Variants in ZCWPW2 observed in about 807,000 individuals in gnomAD.
ZCWPW2 encodes zinc finger CW-type and PWWP domain containing 2.
Under a neutral mutation model 46.6 loss-of-function variants are expected in ZCWPW2, and 45 were observed. The ratio of observed to expected loss-of-function variants is 0.96; its 90% CI spans 0.76 to 1.24. ZCWPW2 has a LOEUF of 1.24. Among genes scored for constraint, ZCWPW2 ranks in the 50% most tolerant of loss-of-function variants. The probability of loss-of-function intolerance (pLI) is 0.00; values close to 1 mark genes in which losing one functional copy is unlikely to be tolerated. For synonymous variants in ZCWPW2, 152 were observed against 137.1 expected (o/e 1.11, Z -0.76); for missense variants, 429 against 403.9 (o/e 1.06, Z -0.53).
chr3:28,492,155 T>A lies in ZCWPW2; in HGVS notation c.639T>A (p.Ala213=). The change falls in exon 6 of 10, where the codon GCT becomes GCA. Residue 213 remains alanine, a synonymous_variant. Coordinates refer to ENST00000383768, the MANE Select transcript of ZCWPW2 (RefSeq NM_001040432.4). ...QDKSETHDKV[A]ALVKKRKQTS... is the part of the protein sequence containing the mutation. The stretch of plus-strand genomic sequence containing the variant: ...AATCCGAAACACATGACAAAGTTGC[T>A]GCACTGGTCAAGAAAAGGGTAAGAT... The A allele has an allele frequency of 6.2e-7, 1 of 1,608,990 alleles. No individual in the cohort carries two copies. The highest frequency in any genetic ancestry group is 8.5e-7 in the Non-Finnish European group (1 of 1,177,856).
intron 2 of ZCWPW2, 46 bp downstream of exon 2, chr3:28,390,663 C>T (rs1420167510): frequency 1.0e-6 from 1 of 983,928 alleles, no homozygotes; most frequent in African/African-American, 1.7e-5. Flanking sequence ...AGTACATAAG[C>T]ATTTTTATTC....
chr3:28,514,543 G>C (rs1700514215), intron 7 of ZCWPW2, among the ~76,000 whole-genome samples: 1 of 151,918 alleles, frequency 6.6e-6, no homozygotes, highest in Admixed American at 6.5e-5. Flanking sequence ...GGGCTTTATT[G>C]GAAACAGAAT....
At chr3:28,374,391 A>G (rs1311866286) in intron 1 of ZCWPW2, among the ~76,000 whole-genome samples, 1 of 152,122 alleles carries the variant, frequency 6.6e-6, no homozygotes, top group Admixed American at 6.6e-5. Flanking sequence ...GGCTTTGTAT[A>G]GTATATTTTG....
chr3:28,394,299 A>T (rs146536765), intron 2 of ZCWPW2, among the ~76,000 whole-genome samples: 1 of 152,226 alleles, frequency 6.6e-6, no homozygotes, highest in African/African-American at 2.4e-5. Context: ...GATATTTCAT[A>T]TTTGTGGATT....
At chr3:28,495,748 T>A (rs1699971806) in intron 6 of ZCWPW2, among the ~76,000 whole-genome samples, 1 of 152,032 alleles carries the variant, frequency 6.6e-6, no homozygotes, top group Non-Finnish European at 1.5e-5. Flanking sequence ...TCAGATAGAC[T>A]GGGGAAAAAA....
chr3:28,493,015 C>A (rs1333527744), intron 6 of ZCWPW2, among the ~76,000 whole-genome samples: 1 of 145,910 alleles, frequency 6.9e-6, no homozygotes, highest in African/African-American at 2.6e-5. Context: ...ATTCTTTGTA[C>A]ATTTTATGAG....
chr3:28,349,411 C>CT (rs943994525), intron 1 of ZCWPW2, among the ~76,000 whole-genome samples: 15 of 152,202 alleles, frequency 9.9e-5, no homozygotes, highest in African/African-American at 3.6e-4. Context: ...TCTGTAGCCT[C>CT]TGTTTTCTAA....
At chr3:28,351,155 T>A (rs1704535115) in intron 1 of ZCWPW2, among the ~76,000 whole-genome samples, 1 of 150,958 alleles carries the variant, frequency 6.6e-6, no homozygotes, top group African/African-American at 2.4e-5. Context: ...TATATATATA[T>A]TTTTTAGAAT....
chr3:28,395,421 G>T (rs1268817190), intron 2 of ZCWPW2, among the ~76,000 whole-genome samples: 3 of 152,094 alleles, frequency 2.0e-5, no homozygotes, highest in Non-Finnish European at 2.9e-5. Flanking sequence ...TTATCCAAAA[G>T]AACTGAAAAC....
At chr3:28,489,424 A>G (rs1328336776) in intron 5 of ZCWPW2, among the ~76,000 whole-genome samples, 1 of 152,168 alleles carries the variant, frequency 6.6e-6, no homozygotes, top group South Asian at 2.1e-4. Flanking sequence ...CCCAAAATAT[A>G]CTATGAGATT....
chr3:28,422,783 G>T (rs1033286923), intron 3 of ZCWPW2, among the ~76,000 whole-genome samples: 51 of 150,196 alleles, frequency 3.4e-4, no homozygotes, highest in East Asian at 9.7e-4. Flanking sequence ...GTGTGTGTGT[G>T]TTTTTTTTTA....
chr3:28,401,380 A>T (rs1695926886), intron 2 of ZCWPW2, among the ~76,000 whole-genome samples: 1 of 152,084 alleles, frequency 6.6e-6, no homozygotes, highest in Admixed American at 6.5e-5. Flanking sequence ...CAAGAGACTC[A>T]CCTAACACAT....
chr3:28,364,214 T>C (rs973475253), intron 1 of ZCWPW2, among the ~76,000 whole-genome samples: 4 of 152,332 alleles, frequency 2.6e-5, no homozygotes, highest in African/African-American at 9.6e-5. Context: ...TGGAAAGTAA[T>C]TGGCATTATC....
At chr3:28,510,877 CA>C in intron 6 of ZCWPW2, 1 of 290,504 alleles carries the variant, frequency 3.4e-6, no homozygotes, top group African/African-American at 2.2e-5. Flanking sequence ...TAGTCATTTA[CA>C]AACACTGTGC....
chr3:28,459,383 AAAC>A (rs1183971089), intron 4 of ZCWPW2, among the ~76,000 whole-genome samples: 1 of 148,812 alleles, frequency 6.7e-6, no homozygotes, highest in Admixed American at 6.6e-5. Context: ...AGAAAAAAAA[AAAC>A]AAAAAACAAA....
intron 4 of ZCWPW2, among the ~76,000 whole-genome samples, chr3:28,477,801 C>G (rs941158324): frequency 1.3e-5 from 2 of 151,898 alleles, no homozygotes; most frequent in Non-Finnish European, 2.9e-5. Flanking sequence ...AAATAAATAG[C>G]CATATTCCTT....
chr3:28,479,233 A>ACAATTCTGC (rs2125804870), intron 5 of ZCWPW2, among the ~76,000 whole-genome samples: 1 of 152,300 alleles, frequency 6.6e-6, no homozygotes, highest in Non-Finnish European at 1.5e-5. Context: ...TTTCAAAGGC[A>ACAATTCTGC]TATATTTCAC....
At chr3:28,407,770 A>G (rs1696223228) in intron 2 of ZCWPW2, among the ~76,000 whole-genome samples, 1 of 152,224 alleles carries the variant, frequency 6.6e-6, no homozygotes, top group Non-Finnish European at 1.5e-5. Context: ...AAAATTAAAA[A>G]CAAAAGTTGA....
chr3:28,409,122 C>CTTTT (rs11328735), intron 2 of ZCWPW2, among the ~76,000 whole-genome samples: 38 of 82,254 alleles, frequency 4.6e-4, no homozygotes, highest in Admixed American at 7.3e-4. Flanking sequence ...TTTTCTTTTT[C>CTTTT]TTTTTTTTTT....
Sources: gnomAD v4.1 joint callset for allele counts (sites outside exome capture counted in the v4.1 genomes callset) on GRCh38, gnomAD v4.1.1 for gene constraint, MANE v1.5 for transcripts, NCBI Gene and HGNC (gene_info 2026-07-23, HGNC 2026-07-21) for gene names.